TECRL: variants seen among roughly 807,000 people sequenced by gnomAD.
TECRL encodes the protein trans-2,3-enoyl-CoA reductase like.
Under a neutral mutation model 52.8 loss-of-function variants are expected in TECRL, and 63 were observed. That is an observed-to-expected ratio of 1.19 (90% CI 0.97 to 1.47). The LOEUF (loss-of-function observed/expected upper bound fraction) is 1.47. Among genes scored for constraint, TECRL ranks in the 40% most tolerant of loss-of-function variants. The pLI is 0.00. For synonymous variants in TECRL, 164 were observed against 141.9 expected (o/e 1.16, Z -1.10); for missense variants, 482 against 429.6 (o/e 1.12, Z -1.08).
chr4:64,345,179 G>T (rs957068295), intron 2 of TECRL, among the ~76,000 whole-genome samples: 11 of 152,092 alleles, frequency 7.2e-5, no homozygotes, highest in African/African-American at 2.7e-4. Context: ...AATACCATTT[G>T]ACCCAGCCAT....
chr4:64,391,798 A>C (rs1455473160), intron 1 of TECRL, among the ~76,000 whole-genome samples: 1 of 151,906 alleles, frequency 6.6e-6, no homozygotes, highest in Non-Finnish European at 1.5e-5. Flanking sequence ...AATGAACTAT[A>C]TGACATTGAT....
intron 4 of TECRL, among the ~76,000 whole-genome samples, chr4:64,315,635 G>T (rs1450929190): frequency 6.6e-6 from 1 of 151,916 alleles, no homozygotes; most frequent in East Asian, 1.9e-4. Flanking sequence ...ATTTGAATCT[G>T]CATGTTTTGC....
chr4:64,406,888 A>T (rs1246267782), intron 1 of TECRL, among the ~76,000 whole-genome samples: 4 of 152,014 alleles, frequency 2.6e-5, no homozygotes, highest in Non-Finnish European at 2.9e-5. Context: ...AATGAAAGGC[A>T]CTTAATATGA....
intron 1 of TECRL, among the ~76,000 whole-genome samples, chr4:64,401,825 T>G (rs1457847638): frequency 1.3e-5 from 2 of 152,166 alleles, no homozygotes; most frequent in Non-Finnish European, 2.9e-5. Context: ...ATTAATTGTA[T>G]TCATTCAATC....
chr4:64,380,424 G>T (rs1273237012), intron 1 of TECRL, among the ~76,000 whole-genome samples: 1 of 151,904 alleles, frequency 6.6e-6, no homozygotes, highest in Non-Finnish European at 1.5e-5. Context: ...GTTCCCATTT[G>T]TGTATTTTTG....
chr4:64,396,451 G>A (rs887702043), intron 1 of TECRL, among the ~76,000 whole-genome samples: 1 of 152,002 alleles, frequency 6.6e-6, no homozygotes, highest in South Asian at 2.1e-4. Flanking sequence ...TCATATTCTT[G>A]TTGGTTATAT....
chr4:64,357,004 T>G (rs1366213260), intron 2 of TECRL, among the ~76,000 whole-genome samples: 1 of 152,180 alleles, frequency 6.6e-6, no homozygotes, highest in Non-Finnish European at 1.5e-5. Context: ...ATTATATGTT[T>G]ATTTTATGAC....
intron 2 of TECRL, among the ~76,000 whole-genome samples, chr4:64,331,648 G>A (rs999372082): frequency 2.0e-5 from 3 of 152,108 alleles, no homozygotes; most frequent in African/African-American, 7.2e-5. Flanking sequence ...GAAAAACATG[G>A]TAGTGCAAAA....
chr4:64,407,597 G>A (rs1297965822), intron 1 of TECRL, among the ~76,000 whole-genome samples: 1 of 151,392 alleles, frequency 6.6e-6, no homozygotes, highest in East Asian at 1.9e-4. Flanking sequence ...CTGTCAGAAA[G>A]GACACAATAA....
At chr4:64,281,180 A>G (rs1722806155) in intron 10 of TECRL, 94 bp from the exon 11 acceptor site, 1 of 838,578 alleles carries the variant, frequency 1.2e-6, no homozygotes, top group Non-Finnish European at 1.8e-6. Flanking sequence ...GGCTTAAAAT[A>G]TTAGAAAACT....
At chr4:64,372,622 A>T (rs965465455) in intron 2 of TECRL, among the ~76,000 whole-genome samples, 1 of 151,790 alleles carries the variant, frequency 6.6e-6, no homozygotes, top group Non-Finnish European at 1.5e-5. Context: ...AGAAAAATGT[A>T]AAGCTGATAA....
intron 4 of TECRL, among the ~76,000 whole-genome samples, chr4:64,319,006 G>A (rs1545868): frequency 0.92 from 140,126 of 151,922 alleles, 64,809 homozygotes; most frequent in East Asian, 1. Flanking sequence ...GTGCTCAAAT[G>A]TAAAGTCATT....
At chr4:64,357,134 G>A (rs1720830400) in intron 2 of TECRL, among the ~76,000 whole-genome samples, 2 of 151,920 alleles carry the variant, frequency 1.3e-5, no homozygotes, top group African/African-American at 4.8e-5. Context: ...CCTCCTATGC[G>A]TTAAATGATA....
intron 1 of TECRL, among the ~76,000 whole-genome samples, chr4:64,392,690 C>T (rs1577984075): frequency 6.6e-6 from 1 of 151,948 alleles, no homozygotes; most frequent in African/African-American, 2.4e-5. Flanking sequence ...TTCATATAAA[C>T]TCTTCTCTCC....
chr4:64,336,950 G>A (rs1719135090), intron 2 of TECRL, among the ~76,000 whole-genome samples: 1 of 152,114 alleles, frequency 6.6e-6, no homozygotes. Flanking sequence ...TTCTGGAATA[G>A]GTGTGGTGTG....
chr4:64,365,778 C>A (rs1721557191), intron 2 of TECRL, among the ~76,000 whole-genome samples: 1 of 151,704 alleles, frequency 6.6e-6, no homozygotes, highest in South Asian at 2.1e-4. Context: ...TAAAAAGAAT[C>A]AATATTGTTA....
At chr4:64,310,499 G>A (rs1438912480) in intron 5 of TECRL, among the ~76,000 whole-genome samples, 2 of 151,896 alleles carry the variant, frequency 1.3e-5, no homozygotes, top group Admixed American at 1.3e-4. Flanking sequence ...TGTTTGTGTT[G>A]CTGTACTCTA....
At chr4:64,400,130 G>A (rs1286960648) in intron 1 of TECRL, among the ~76,000 whole-genome samples, 2 of 152,212 alleles carry the variant, frequency 1.3e-5, no homozygotes, top group Admixed American at 6.5e-5. Flanking sequence ...GACCTTGGGA[G>A]CTCACTTTAT....
At chr4:64,325,926 C>G (rs1429221564) in intron 3 of TECRL, among the ~76,000 whole-genome samples, 1 of 152,048 alleles carries the variant, frequency 6.6e-6, no homozygotes, top group Admixed American at 6.6e-5. Flanking sequence ...AAAAAGGGAC[C>G]ATTGTCCTTG....
Sources: gnomAD v4.1 joint callset for allele counts (sites outside exome capture counted in the v4.1 genomes callset) on GRCh38, gnomAD v4.1.1 for gene constraint, MANE v1.5 for transcripts, NCBI Gene and HGNC (gene_info 2026-07-23, HGNC 2026-07-21) for gene names.